The following PLS3 variants were observed in gnomAD, a reference collection of about 807,000 sequenced individuals.
PLS3 encodes plastin-3.
A neutral mutation model predicts 46.5 loss-of-function variants in PLS3; 11 were observed. The observed-to-expected ratio is 0.24, with a 90% CI of 0.15 to 0.39. The LOEUF (loss-of-function observed/expected upper bound fraction) is 0.39, where lower values mean the gene tolerates loss of function less well. PLS3 is among the 10% of genes least tolerant of loss of function. The pLI is 1.00. For synonymous variants in PLS3, 167 were observed against 162.2 expected (o/e 1.03, Z -0.22); for missense variants, 308 against 461.8 (o/e 0.67, Z 3.05).
intron 9 of PLS3, among the ~76,000 whole-genome samples, chrX:115,640,860 C>T (rs1233130834): frequency 9.0e-6 from 1 of 111,542 alleles, no homozygotes; most frequent in Non-Finnish European, 1.9e-5. Context: ...ATTATAACCA[C>T]AGTAATAGAT....
In PLS3 at chrX:115,649,929, T is replaced by C. The variant is rs1556642274; in HGVS notation, c.*368T>C. 7.9e-6 allele frequency: 1 copy of C among 126,029 alleles called. No homozygotes were observed. Among genetic ancestry groups the C allele is most frequent in the Non-Finnish European group, 1.6e-5 (1 of 61,294 alleles). The allele number at this position is 126,029 out of a possible 1,213,427, so 10.4% of individuals were successfully genotyped here. On this transcript the variant is annotated 3_prime_UTR_variant, in exon 16 of 16. Transcript: ENST00000355899. ...TGGGACTTGCTTAGATGATGGGATA[T>C]GAATATTATTAGACAGTAATTTTGC...
intron 8 of PLS3, chrX:115,640,074 C>T (rs891882938): frequency 6.5e-6 from 7 of 1,081,504 alleles, no homozygotes; most frequent in Non-Finnish European, 8.6e-6. Flanking sequence ...GATTTCTGCT[C>T]TCCTACTTTT....
chrX:115,638,702 T>A (rs1195450131), intron 8 of PLS3, among the ~76,000 whole-genome samples: 3 of 104,121 alleles, frequency 2.9e-5, no homozygotes, highest in East Asian at 3.2e-4. Flanking sequence ...TTTTATTTTT[T>A]AAATTATTTT....
At chrX:115,574,258 T>A (rs2074234702) in intron 1 of PLS3, among the ~76,000 whole-genome samples, 1 of 111,858 alleles carries the variant, frequency 8.9e-6, no homozygotes, top group Non-Finnish European at 1.9e-5. Context: ...GTCTTGATAT[T>A]TATATTTGAA....
chrX:115,610,730 T>C (rs2074540638), intron 2 of PLS3: 1 of 383,134 alleles, frequency 2.6e-6, no homozygotes, highest in Non-Finnish European at 4.3e-6. Context: ...CATTAGATGA[T>C]GTTTTACCCT....
At chrX:115,563,344 G>C (rs1291076394) in intron 1 of PLS3, among the ~76,000 whole-genome samples, 1 of 111,729 alleles carries the variant, frequency 9.0e-6, no homozygotes. Context: ...CATCGAGTTG[G>C]TTGGGTTTTT....
intron 2 of PLS3, among the ~76,000 whole-genome samples, chrX:115,611,130 C>T (rs1603233363): frequency 8.9e-6 from 1 of 111,949 alleles, no homozygotes; most frequent in African/African-American, 3.2e-5. Context: ...CAGAATTTGC[C>T]GTTAGACCTG....
chrX:115,570,755 T>A (rs2074209249), intron 1 of PLS3, among the ~76,000 whole-genome samples: 1 of 110,069 alleles, frequency 9.1e-6, no homozygotes, highest in Admixed American at 9.7e-5. Flanking sequence ...TTAGTGGGGT[T>A]TTTTGTGTTT....
At chrX:115,604,866 G>A (rs1395618542) in intron 1 of PLS3, among the ~76,000 whole-genome samples, 1 of 111,731 alleles carries the variant, frequency 9.0e-6, no homozygotes, top group African/African-American at 3.3e-5. Flanking sequence ...TCTCAAGATA[G>A]TACTTTACTG....
intron 1 of PLS3, among the ~76,000 whole-genome samples, chrX:115,570,233 G>C (rs2074204454): frequency 9.1e-6 from 1 of 110,354 alleles, no homozygotes; most frequent in African/African-American, 3.3e-5. Flanking sequence ...CCGCGCCTGG[G>C]CCAGCTCTCC....
chrX:115,580,670 C>T (rs782245395), intron 1 of PLS3, among the ~76,000 whole-genome samples: 102 of 111,567 alleles, frequency 9.1e-4, no homozygotes, highest in African/African-American at 3.2e-3. Flanking sequence ...TTAAAAGAAG[C>T]TTGTCTATAA....
In PLS3 at chrX:115,575,502, G is replaced by A. The variant is rs181226066; in HGVS notation, c.-9+14242G>A. On this transcript the variant is annotated intron_variant, in intron 1 of 15. Transcript: ENST00000355899. ...TCTGCTGCCCAGGCTGGAGTGCAGT[G>A]GCACCATCTCGGCTCACTGCAAGCT... Among the ~76,000 whole-genome samples the A allele has an allele frequency of 1.4e-3, 159 of 111,995 alleles. 1 individual carries two copies. Among genetic ancestry groups the A allele is most frequent in the African/African-American group, 5.0e-3 (154 of 30,788 alleles).
At chrX:115,647,456 G>A in intron 13 of PLS3, 94 bp from the exon 14 acceptor site, 1 of 885,222 alleles carries the variant, frequency 1.1e-6, no homozygotes, top group South Asian at 2.5e-5. Flanking sequence ...AAAAATTTAA[G>A]AAATATAAAA....
intron 2 of PLS3, among the ~76,000 whole-genome samples, chrX:115,612,160 C>T (rs1377615338): frequency 9.0e-6 from 1 of 111,516 alleles, no homozygotes; most frequent in African/African-American, 3.3e-5. Flanking sequence ...TATACATAGC[C>T]TTTTGATGTA....
chrX:115,619,165 C>A (rs2074625139), intron 2 of PLS3, among the ~76,000 whole-genome samples: 1 of 111,757 alleles, frequency 8.9e-6, no homozygotes, highest in African/African-American at 3.3e-5. Context: ...TGTGATAGAA[C>A]CAAAAAGGAA....
intron 1 of PLS3, among the ~76,000 whole-genome samples, chrX:115,603,958 G>A (rs1474611250): frequency 8.9e-6 from 1 of 111,768 alleles, no homozygotes; most frequent in Non-Finnish European, 1.9e-5. Context: ...TGCAAATTAG[G>A]AGGAATGTGA....
intron 1 of PLS3, among the ~76,000 whole-genome samples, chrX:115,590,531 T>C (rs1556632939): frequency 8.9e-6 from 1 of 112,034 alleles, no homozygotes; most frequent in Non-Finnish European, 1.9e-5. Context: ...GGTAGAACTG[T>C]CTTTTAGCCC....
At chrX:115,642,947 A>G (rs782238134) in intron 9 of PLS3, among the ~76,000 whole-genome samples, 7 of 112,004 alleles carry the variant, frequency 6.2e-5, no homozygotes, top group Non-Finnish European at 1.3e-4. Context: ...CTGTTTTCCT[A>G]TTGAGAAGGA....
chrX:115,616,955 T>C (rs890137696), intron 2 of PLS3, among the ~76,000 whole-genome samples: 1 of 111,894 alleles, frequency 8.9e-6, no homozygotes, highest in Admixed American at 9.5e-5. Flanking sequence ...AATGGCAGAA[T>C]AGGTAAAACT....
Sources: gnomAD v4.1 joint callset for allele counts (sites outside exome capture counted in the v4.1 genomes callset) on GRCh38, gnomAD v4.1.1 for gene constraint, MANE v1.5 for transcripts, NCBI Gene and HGNC (gene_info 2026-07-23, HGNC 2026-07-21) for gene names.